The following ZFHX4 variants were observed in gnomAD, a reference collection of about 807,000 sequenced individuals.
ZFHX4 encodes the protein zinc finger homeobox 4.
ZFHX4 carries 56 observed loss-of-function variants against 267.6 expected under a neutral mutation model. The observed-to-expected ratio is 0.21, with a 90% CI of 0.17 to 0.26. The LOEUF (loss-of-function observed/expected upper bound fraction) is 0.26, where lower values mean the gene tolerates loss of function less well. Among genes scored for constraint, ZFHX4 ranks in the 10% least tolerant of loss-of-function variants. The pLI, the probability that ZFHX4 is intolerant of heterozygous loss-of-function variation, is 1.00. For missense variants in ZFHX4, 4,332 were observed against 4,420.0 expected (o/e 0.98, Z 0.56); for synonymous variants, 1,778 against 1,665.6 (o/e 1.07, Z -1.64).
At chr8:76,703,229 G>A (rs1352248919) in intron 1 of ZFHX4, among the ~76,000 whole-genome samples, 1 of 152,078 alleles carries the variant, frequency 6.6e-6, no homozygotes, top group African/African-American at 2.4e-5. Context: ...GTTGAGAGAT[G>A]GGCAACTCAC....
At chr8:76,840,273 A>T (rs1027884040) in intron 5 of ZFHX4, among the ~76,000 whole-genome samples, 4 of 152,138 alleles carry the variant, frequency 2.6e-5, no homozygotes, top group Admixed American at 2.6e-4. Context: ...GGCTTGGAGG[A>T]GCCAGGCAGT....
At chr8:76,845,889 T>A (rs1812352301) in intron 6 of ZFHX4, among the ~76,000 whole-genome samples, 1 of 151,918 alleles carries the variant, frequency 6.6e-6, no homozygotes, top group African/African-American at 2.4e-5. Flanking sequence ...TTAAAATGAA[T>A]GAAAATGACA....
intron 4 of ZFHX4, among the ~76,000 whole-genome samples, chr8:76,798,030 A>C: frequency 6.6e-6 from 1 of 152,174 alleles, no homozygotes; most frequent in Non-Finnish European, 1.5e-5. Context: ...CCATTTTTGT[A>C]TACTAGGAAG....
chr8:76,695,468 G>C (rs994600093), intron 1 of ZFHX4, among the ~76,000 whole-genome samples: 4 of 152,208 alleles, frequency 2.6e-5, no homozygotes, highest in African/African-American at 9.6e-5. Flanking sequence ...TAGAATGGAA[G>C]TTAACACTTA....
intron 3 of ZFHX4, among the ~76,000 whole-genome samples, chr8:76,774,600 C>T (rs1184229437): frequency 6.6e-6 from 1 of 151,348 alleles, no homozygotes; most frequent in Non-Finnish European, 1.5e-5. Flanking sequence ...AAATATCTAC[C>T]AAAAAGGAGA....
At chr8:76,837,308 T>C (rs1171009150) in intron 5 of ZFHX4, among the ~76,000 whole-genome samples, 1 of 152,028 alleles carries the variant, frequency 6.6e-6, no homozygotes, top group Non-Finnish European at 1.5e-5. Flanking sequence ...GAGGCACGAT[T>C]TTCCAGAAGA....
At position 76,851,761 on chromosome 8, in the gene ZFHX4, T is replaced by C. The variant is rs1198770018; in HGVS notation, c.4840T>C (p.Ser1614Pro). Residue 1614 changes from serine (S) to proline (P), a missense_variant, in exon 10 of 11, where the codon TCT becomes CCT. Around this residue, in one of 7 missense-constraint regions of ZFHX4, gnomAD observed 1,371 missense variants for 1,423.1 expected, o/e 0.96. Coordinates refer to ENST00000651372, the MANE Select transcript of ZFHX4 (RefSeq NM_024721.5). The part of the protein sequence containing the change: ...QSSTLEIHMR[S>P]VLHQTKARAA... ...CTCAACATTGGAAATCCACATGAGG[T>C]CTGTGCTCCACCAGACAAAGGCTAG... The C allele has an allele frequency of 6.2e-7, 1 of 1,613,776 alleles. No individual in the cohort carries two copies. The highest frequency in any genetic ancestry group is 1.3e-5 in the African/African-American group (1 of 74,890).
intron 7 of ZFHX4, 77 bp from the exon 8 acceptor site, chr8:76,849,435 C>A: frequency 1.5e-6 from 2 of 1,344,102 alleles, no homozygotes; most frequent in Non-Finnish European, 2.1e-6. Context: ...TCACACGTAC[C>A]CCCAAAATAC....
intron 4 of ZFHX4, among the ~76,000 whole-genome samples, chr8:76,831,480 C>T (rs1244969963): frequency 6.6e-6 from 1 of 152,104 alleles, no homozygotes. Flanking sequence ...AGTCCTGAAG[C>T]TCTGGGAAGC....
rs537339344 is a variant in ZFHX4, at chr8:76,742,409, A to G, written c.3093+34361A>G. The stretch of plus-strand genomic sequence containing the variant: ...CTGGACCTTTACCTAGCATCCAGGA[A>G]CCTTACGTTTAATTACTAACTCCTG... On this transcript the variant is annotated intron_variant, in intron 3 of 10. Transcript: ENST00000651372. Among the ~76,000 whole-genome samples the G allele has an allele frequency of 3.3e-5, 5 of 152,308 alleles. No homozygotes were observed. The South Asian group carries it at 1.0e-3, about 32-fold the overall frequency.
intron 3 of ZFHX4, among the ~76,000 whole-genome samples, chr8:76,756,164 G>A (rs754194857): frequency 2.0e-5 from 3 of 152,128 alleles, no homozygotes; most frequent in South Asian, 2.1e-4. Flanking sequence ...ATGTAGGGAC[G>A]TCGTCATGTC....
At chr8:76,718,886 A>C (rs1182323991) in intron 3 of ZFHX4, among the ~76,000 whole-genome samples, 1 of 151,524 alleles carries the variant, frequency 6.6e-6, no homozygotes, top group African/African-American at 2.4e-5. Flanking sequence ...CAGCAGCTTG[A>C]TAATGTGTTG....
chr8:76,782,273 GA>G, intron 4 of ZFHX4: 1 of 404,232 alleles, frequency 2.5e-6, no homozygotes, highest in South Asian at 1.8e-5. Context: ...TAGTTTTCTT[GA>G]AATGTACACT....
intron 4 of ZFHX4, among the ~76,000 whole-genome samples, chr8:76,830,922 C>T (rs1359314568): frequency 6.6e-6 from 1 of 152,114 alleles, no homozygotes; most frequent in Admixed American, 6.5e-5. Context: ...CTAGGAAAAC[C>T]TTTACAGGCT....
chr8:76,769,145 G>A (rs1810191659), intron 3 of ZFHX4, among the ~76,000 whole-genome samples: 1 of 151,934 alleles, frequency 6.6e-6, no homozygotes, highest in African/African-American at 2.4e-5. Context: ...CTAAAAGAAG[G>A]GATTTCAAGA....
intron 3 of ZFHX4, among the ~76,000 whole-genome samples, chr8:76,742,595 G>A (rs1228424216): frequency 6.6e-6 from 1 of 152,190 alleles, no homozygotes; most frequent in Admixed American, 6.5e-5. Flanking sequence ...TAAGGGGAGT[G>A]AAAGGGATAA....
chr8:76,777,526 GA>G (rs1244753848), intron 3 of ZFHX4, among the ~76,000 whole-genome samples: 6 of 152,110 alleles, frequency 3.9e-5, no homozygotes, highest in Non-Finnish European at 8.8e-5. Context: ...TTTGTTTATA[GA>G]AAATGTAAGT....
At chr8:76,683,431 C>T (rs1037900937) in intron 1 of ZFHX4, among the ~76,000 whole-genome samples, 2 of 149,122 alleles carry the variant, frequency 1.3e-5, no homozygotes, top group Admixed American at 1.3e-4. Flanking sequence ...AACAAAAACC[C>T]AAAGACAAGT....
At chr8:76,859,325 G>C (rs1812809687) in intron 10 of ZFHX4, among the ~76,000 whole-genome samples, 1 of 151,800 alleles carries the variant, frequency 6.6e-6, no homozygotes, top group Admixed American at 6.6e-5. Flanking sequence ...CTATTGCTTT[G>C]CTCACTTTTT....
Sources: allele counts gnomAD v4.1 joint callset (sites outside exome capture counted in the v4.1 genomes callset), GRCh38; gene constraint gnomAD v4.1.1; regional missense constraint gnomAD v4.1.1; transcripts MANE v1.5; gene names NCBI Gene and HGNC (gene_info 2026-07-23, HGNC 2026-07-21).